The following FTO variants were observed in gnomAD, a reference collection of about 807,000 sequenced individuals.
FTO encodes the protein FTO alpha-ketoglutarate dependent dioxygenase, also known as alpha-ketoglutarate-dependent dioxygenase FTO.
In FTO, 47 loss-of-function variants were observed where a neutral mutation model predicts 63.9. That is an observed-to-expected ratio of 0.74 (90% CI 0.58 to 0.94). The LOEUF is 0.94. Ranked by LOEUF, FTO falls within the 40% of genes least tolerant of loss-of-function variation. The pLI is 0.00. For synonymous variants in FTO, 207 were observed against 224.4 expected (o/e 0.92, Z 0.69); for missense variants, 562 against 618.1 (o/e 0.91, Z 0.96).
chr16:54,008,412 T>G (rs2084260749), intron 8 of FTO: 1 of 151,244 alleles, frequency 6.6e-6, no homozygotes, highest in Admixed American at 6.6e-5. Flanking sequence ...TTTTTTCTGT[T>G]TTTTTTTTCT....
intron 7 of FTO, among the ~76,000 whole-genome samples, chr16:53,903,538 C>T (rs960919147): frequency 2.0e-5 from 3 of 152,158 alleles, no homozygotes; most frequent in East Asian, 3.9e-4. Context: ...GGATTACAGG[C>T]GTGAGCCACT....
chr16:53,807,264 T>G (rs2151729351), intron 1 of FTO, among the ~76,000 whole-genome samples: 1 of 152,326 alleles, frequency 6.6e-6, no homozygotes, highest in East Asian at 1.9e-4. Context: ...GATACAACAG[T>G]ACTCACAGGA....
chr16:53,933,926 C>A, intron 7 of FTO, 59 bp from the exon 8 acceptor site: 2 of 1,543,214 alleles, frequency 1.3e-6, no homozygotes, highest in Non-Finnish European at 1.8e-6. Context: ...TGCTTATGGG[C>A]TTTTTTTTAT....
intron 8 of FTO, chr16:53,979,552 T>TGTGTGTGTGTGTGTGTGCGCGC (rs1293722354): frequency 7.6e-6 from 3 of 395,024 alleles, no homozygotes; most frequent in Non-Finnish European, 1.3e-5. Flanking sequence ...TGTGTGTGTG[T>TGTGTGTGTGTGTGTGTGCGCGC]GTGTGTGTGT....
intron 8 of FTO, among the ~76,000 whole-genome samples, chr16:54,083,320 G>A (rs1011965923): frequency 2.6e-4 from 39 of 152,104 alleles, no homozygotes; most frequent in African/African-American, 8.2e-4. Context: ...CAACACGCCC[G>A]CTGTTTAAGG....
At chr16:53,763,771 T>C (rs889579213) in intron 1 of FTO, among the ~76,000 whole-genome samples, 3 of 152,226 alleles carry the variant, frequency 2.0e-5, no homozygotes, top group African/African-American at 7.2e-5. Flanking sequence ...TTATTTGTAA[T>C]GTAGGAACCC....
At chr16:53,714,677 G>A (rs1172332227) in intron 1 of FTO, among the ~76,000 whole-genome samples, 16 of 152,086 alleles carry the variant, frequency 1.1e-4, no homozygotes, top group East Asian at 3.9e-4. Flanking sequence ...AATATGCTGC[G>A]AGCCATTTTT....
At chr16:54,098,004 C>T (rs763032174) in intron 8 of FTO, among the ~76,000 whole-genome samples, 41 of 152,072 alleles carry the variant, frequency 2.7e-4, no homozygotes, top group Non-Finnish European at 4.9e-4. Context: ...GCTCTTGGCC[C>T]CTTCAGGGTG....
chr16:54,093,189 C>T (rs1399063601), intron 8 of FTO, among the ~76,000 whole-genome samples: 1 of 152,214 alleles, frequency 6.6e-6, no homozygotes, highest in African/African-American at 2.4e-5. Flanking sequence ...CCGGAACTTA[C>T]TGGCGGATGC....
intron 8 of FTO, among the ~76,000 whole-genome samples, chr16:54,005,068 TA>T (rs777739385): frequency 2.2e-3 from 211 of 97,754 alleles, no homozygotes; most frequent in Admixed American, 5.1e-3. Flanking sequence ...AGGCTCCGTC[TA>T]AAAAAAAAAA....
chr16:53,931,235 T>G (rs2143202361), intron 7 of FTO, among the ~76,000 whole-genome samples: 1 of 152,248 alleles, frequency 6.6e-6, no homozygotes, highest in African/African-American at 2.4e-5. Context: ...GTCTTTCATT[T>G]GATGCATTTT....
chr16:53,877,579 G>A (rs953354099), intron 5 of FTO, among the ~76,000 whole-genome samples: 1 of 152,104 alleles, frequency 6.6e-6, no homozygotes, highest in Non-Finnish European at 1.5e-5. Context: ...CTGCCAAATG[G>A]CACAGGGTTT....
At chr16:53,887,164 G>A (rs2081021816) in intron 6 of FTO, among the ~76,000 whole-genome samples, 1 of 152,202 alleles carries the variant, frequency 6.6e-6, no homozygotes, top group Non-Finnish European at 1.5e-5. Flanking sequence ...GGAATAGTTC[G>A]ATCAAGGGTC....
intron 8 of FTO, among the ~76,000 whole-genome samples, chr16:54,022,274 G>A (rs1287117157): frequency 1.3e-5 from 2 of 152,218 alleles, no homozygotes; most frequent in Admixed American, 1.3e-4. Flanking sequence ...AAATTAGACA[G>A]TGAAAGAATG....
chr16:53,957,575 C>A (rs527849506), intron 8 of FTO, among the ~76,000 whole-genome samples: 25 of 152,268 alleles, frequency 1.6e-4, no homozygotes, highest in African/African-American at 5.8e-4. Flanking sequence ...AGTGATAGTG[C>A]CTTTGGAGAG....
At chr16:54,033,085 C>G (rs2084867873) in intron 8 of FTO, among the ~76,000 whole-genome samples, 1 of 152,104 alleles carries the variant, frequency 6.6e-6, no homozygotes, top group Admixed American at 6.6e-5. Context: ...TATAAATTAC[C>G]CAGTCTCAAG....
At chr16:53,789,989 TATA>T (rs1348483284) in intron 1 of FTO, among the ~76,000 whole-genome samples, 5 of 149,390 alleles carry the variant, frequency 3.3e-5, no homozygotes, top group Admixed American at 1.3e-4. Context: ...TATACAAATA[TATA>T]ATATGTTTGT....
rs569536881 is a variant in FTO, at chr16:53,870,434, G to A, written c.896-3352G>A. Among the ~76,000 whole-genome samples, 35 of 152,114 alleles carry A rather than the reference G, an allele frequency of 2.3e-4. No individual in the cohort carries two copies. In the South Asian group the frequency reaches 7.1e-3, roughly 31 times the overall value. ...CCAGCAATTCAGTAGTTACAGTTAC[G>A]GTTTTTCTATCCTGGAACTGGTTCC... On this transcript the variant is annotated intron_variant, in intron 4 of 8. Transcript: ENST00000471389.
rs190885479 is a variant in FTO, at chr16:53,932,006, G to A, written c.1240-1979G>A. 9.7e-4 allele frequency among the ~76,000 whole-genome samples: 148 copies of A among 152,182 alleles called. 1 individual carries two copies. The highest frequency in any genetic ancestry group is 3.0e-3 in the African/African-American group (126 of 41,530). On this transcript the variant is annotated intron_variant, in intron 7 of 8. Coordinates refer to ENST00000471389, the MANE Select transcript of FTO (RefSeq NM_001080432.3). ...AGAGCTGGCTGGATCTGAATAGTGC[G>A]TGCCTTTTTTAGGCAGAACATGTGC...
Sources: allele counts gnomAD v4.1 joint callset (sites outside exome capture counted in the v4.1 genomes callset), GRCh38; gene constraint gnomAD v4.1.1; transcripts MANE v1.5; gene names NCBI Gene and HGNC (gene_info 2026-07-23, HGNC 2026-07-21).